CD4: variants seen among roughly 807,000 people sequenced by gnomAD.
CD4 encodes T-cell surface glycoprotein CD4.
CD4 carries 25 observed loss-of-function variants against 50.5 expected under a neutral mutation model. The observed-to-expected ratio is 0.49, with a 90% CI of 0.36 to 0.69. CD4 has a LOEUF of 0.69. Among genes scored for constraint, CD4 ranks in the 30% least tolerant of loss-of-function variants. CD4 has a pLI of 0.00. For missense variants in CD4, 456 were observed against 548.5 expected, an observed-to-expected ratio of 0.83 and a Z score of 1.68; for synonymous variants, 207 against 221.9, an observed-to-expected ratio of 0.93 and a Z score of 0.60.
At chr12:6,789,892 T>G (rs1208124168) in intron 1 of CD4, among the ~76,000 whole-genome samples, 4 of 152,314 alleles carry the variant, frequency 2.6e-5, no homozygotes, top group African/African-American at 9.6e-5. Flanking sequence ...CACAGCTCAG[T>G]GTCCAGAGCA....
At chr12:6,795,912 G>A (rs1337274549) in intron 1 of CD4, among the ~76,000 whole-genome samples, 5 of 152,352 alleles carry the variant, frequency 3.3e-5, no homozygotes, top group South Asian at 4.1e-4. Flanking sequence ...TTGGTGGAGA[G>A]CCACAGACAG....
rs3829972 is a variant in CD4 at position 6,819,852 on chromosome 12, A to G, written c.*523A>G. The G allele has an allele frequency of 0.6, 94,558 of 157,626 alleles. 28,447 individuals carry two copies. The highest frequency in any genetic ancestry group is 0.72 in the Middle Eastern group (217 of 300). The allele number at this position is 157,626 out of a possible 1,614,324, so 9.8% of individuals were successfully genotyped here. On this transcript the variant is annotated 3_prime_UTR_variant, in exon 10 of 10. Transcript: ENST00000011653. Reference sequence around the variant, plus strand: ...CCGCTTCTCACCCTATGTGGGTGGGACCACAGACTCACATCCTGACCTTGC... The same window carrying G: ...CCGCTTCTCACCCTATGTGGGTGGGGCCACAGACTCACATCCTGACCTTGC...
In CD4 at chr12:6,817,111, G is replaced by C; in HGVS notation, c.956-19G>C. The C allele has an allele frequency of 2.5e-6, 4 of 1,608,322 alleles. No homozygotes were observed. Among genetic ancestry groups the C allele is most frequent in the Non-Finnish European group, 3.4e-6 (4 of 1,174,854 alleles). On this transcript the variant is annotated intron_variant, in intron 6 of 9. Coordinates refer to ENST00000011653, the MANE Select transcript of CD4 (RefSeq NM_000616.5). ...ACTGAATCTCAGGCCTTTGATCTCA[G>C]CCTCTCGTTCCTCTGCAGCCACTCA...
At chr12:6,793,746 T>A (rs529657526) in intron 1 of CD4, among the ~76,000 whole-genome samples, 1 of 150,004 alleles carries the variant, frequency 6.7e-6, no homozygotes, top group South Asian at 2.1e-4. Context: ...TCGCCCAGGC[T>A]GTAGTGCAGT....
At position 6,814,406 on chromosome 12, in the gene CD4, C is replaced by T. The variant is rs1053136304; in HGVS notation, c.373+106C>T. On this transcript the variant is annotated intron_variant, in intron 4 of 9. Transcript: ENST00000011653. ...CTGAGCTGGTGATACCGCAGCAGCC[C>T]CAAGAGGACCAGGCTGTCAAACTGG... 19 of 1,197,274 alleles carry T rather than the reference C, an allele frequency of 1.6e-5. 1 individual carries two copies. Among genetic ancestry groups the T allele is most frequent in the Middle Eastern group, 2.6e-4 (1 of 3,830 alleles). 74.2% of individuals were successfully genotyped at this position (1,197,274 alleles called of 1,614,324 possible).
intron 1 of CD4, among the ~76,000 whole-genome samples, chr12:6,795,106 A>ATCTATCTG (rs1565489158): frequency 6.7e-6 from 1 of 150,320 alleles, no homozygotes. Flanking sequence ...GTCTCTATCT[A>ATCTATCTG]TCTATCTATC....
At chr12:6,814,552 G>A (rs1555117566) in intron 4 of CD4, 4 of 669,908 alleles carry the variant, frequency 6.0e-6, no homozygotes. Flanking sequence ...GAGAGAGACT[G>A]GGGAAGAGAG....
intron 3 of CD4, among the ~76,000 whole-genome samples, chr12:6,808,747 C>T (rs1044293811): frequency 2.1e-4 from 32 of 152,054 alleles, no homozygotes; most frequent in African/African-American, 7.2e-4. Flanking sequence ...ATCCTATTAA[C>T]AATGCTGTAA....
At chr12:6,803,106 G>C (rs1555115633) in intron 3 of CD4, among the ~76,000 whole-genome samples, 2 of 151,996 alleles carry the variant, frequency 1.3e-5, no homozygotes, top group East Asian at 3.9e-4. Context: ...CCTAATAATA[G>C]CTATTTTGGA....
At chr12:6,796,957 C>A (rs1018275814) in intron 1 of CD4, among the ~76,000 whole-genome samples, 3 of 152,226 alleles carry the variant, frequency 2.0e-5, no homozygotes, top group African/African-American at 7.2e-5. Context: ...TCCCTACCAC[C>A]TTTGCACACC....
chr12:6,808,555 A>C (rs1409192380), intron 3 of CD4, among the ~76,000 whole-genome samples: 1 of 142,260 alleles, frequency 7.0e-6, no homozygotes. Context: ...TCTTCTTTTT[A>C]AAAAGCCAAG....
At chr12:6,813,992 C>T (rs782224418) in intron 3 of CD4, 150 bp from the exon 4 acceptor site, 4 of 685,664 alleles carry the variant, frequency 5.8e-6, no homozygotes, top group African/African-American at 1.8e-5. Flanking sequence ...ATGAGACCTC[C>T]TTGCCAGACC....
At chr12:6,817,869 GCACA>G (rs201788794) in intron 7 of CD4, among the ~76,000 whole-genome samples, 21 of 146,854 alleles carry the variant, frequency 1.4e-4, no homozygotes, top group Non-Finnish European at 1.5e-4. Context: ...ACACATGCAT[GCACA>G]CACACACTTA....
chr12:6,801,769 C>T lies in CD4; in HGVS notation c.214+1298C>T, dbSNP rs182724929. ...TAGAGACAGAGTTTCACGGTGTTAG[C>T]CAGGCTGGTCTTGATCTCCTGACCT... On this transcript the variant is annotated intron_variant, in intron 3 of 9. Transcript: ENST00000011653. 3.1e-3 allele frequency among the ~76,000 whole-genome samples: 474 copies of T among 150,578 alleles called. 4 individuals are homozygous for T. Among genetic ancestry groups the T allele is most frequent in the Admixed American group, 0.017 (251 of 15,056 alleles).
At chr12:6,803,787 AAAAT>A (rs201780056) in intron 3 of CD4, among the ~76,000 whole-genome samples, 4 of 150,126 alleles carry the variant, frequency 2.7e-5, no homozygotes, top group Non-Finnish European at 3.0e-5. Flanking sequence ...TCCATCACAA[AAAAT>A]AAATAAATAA....
intron 3 of CD4, among the ~76,000 whole-genome samples, chr12:6,803,582 A>G (rs1318216500): frequency 6.7e-6 from 1 of 150,280 alleles, no homozygotes; most frequent in Non-Finnish European, 1.5e-5. Context: ...CAGGAGATCA[A>G]GATCATCCTG....
intron 3 of CD4, among the ~76,000 whole-genome samples, chr12:6,806,124 C>A (rs1942747281): frequency 7.0e-6 from 1 of 143,396 alleles, no homozygotes; most frequent in Admixed American, 7.2e-5. Flanking sequence ...CATGAGGAAA[C>A]CCCGTCTCTA....
intron 3 of CD4, among the ~76,000 whole-genome samples, chr12:6,801,882 T>C (rs1415723428): frequency 1.3e-5 from 2 of 150,128 alleles, no homozygotes; most frequent in Non-Finnish European, 3.0e-5. Flanking sequence ...TTTCTACTTT[T>C]TTTTTTTTGA....
At position 6,817,828 on chromosome 12, in the gene CD4, C is replaced by T. The variant is rs782406418; in HGVS notation, c.1156+498C>T. Among the ~76,000 whole-genome samples, 7 of 151,318 alleles carry T rather than the reference C, an allele frequency of 4.6e-5. No homozygotes were observed. The South Asian group carries it at 8.3e-4, about 18-fold the overall frequency. ...GTACTCACACCCATGCACTCACACA[C>T]TGTCACACACTCATACACACACATG... On this transcript the variant is annotated intron_variant, in intron 7 of 9. Coordinates refer to ENST00000011653, the MANE Select transcript of CD4 (RefSeq NM_000616.5).
Sources: allele counts gnomAD v4.1 joint callset (sites outside exome capture counted in the v4.1 genomes callset), GRCh38; gene constraint gnomAD v4.1.1; transcripts MANE v1.5; gene names NCBI Gene and HGNC (gene_info 2026-07-23, HGNC 2026-07-21).